The following SCHIP1 variants were observed in gnomAD, a reference collection of about 807,000 sequenced individuals.
SCHIP1 encodes the protein schwannomin-interacting protein 1.
Under a neutral mutation model 29.7 loss-of-function variants are expected in SCHIP1, and 8 were observed. That is an observed-to-expected ratio of 0.27 (90% CI 0.16 to 0.49). SCHIP1 has a LOEUF of 0.49. SCHIP1 is among the 20% of genes least tolerant of loss of function. The pLI, the probability that SCHIP1 is intolerant of heterozygous loss-of-function variation, is 0.99. For missense variants in SCHIP1, 193 were observed against 294.6 expected, an observed-to-expected ratio of 0.66 and a Z score of 2.52; for synonymous variants, 76 against 94.9, an observed-to-expected ratio of 0.80 and a Z score of 1.16.
the SCHIP1 span, among the ~76,000 whole-genome samples, chr3:159,806,524 T>G: frequency 6.6e-6 from 1 of 152,246 alleles, no homozygotes; most frequent in Non-Finnish European, 1.5e-5. Context: ...TGTGGCAGCT[T>G]TCAGGATTGG....
the SCHIP1 span, among the ~76,000 whole-genome samples, chr3:159,475,324 G>A: frequency 2.0e-5 from 3 of 152,148 alleles, no homozygotes; most frequent in Non-Finnish European, 4.4e-5. Context: ...GCTGGACATA[G>A]AAGACCACAT....
chr3:159,703,472 A>C, the SCHIP1 span, among the ~76,000 whole-genome samples: 1 of 152,164 alleles, frequency 6.6e-6, no homozygotes, highest in Non-Finnish European at 1.5e-5. Flanking sequence ...GATATGGGTA[A>C]ATTGTGTCAC....
the SCHIP1 span, among the ~76,000 whole-genome samples, chr3:159,692,603 T>C: frequency 6.6e-6 from 1 of 152,222 alleles, no homozygotes; most frequent in Non-Finnish European, 1.5e-5. Flanking sequence ...TCTAAACTGG[T>C]TATTCTAGTT....
the SCHIP1 span, among the ~76,000 whole-genome samples, chr3:159,715,940 C>T: frequency 6.6e-6 from 1 of 152,140 alleles, no homozygotes; most frequent in African/African-American, 2.4e-5. Flanking sequence ...CTCCAAGACA[C>T]ATAATTGTCA....
chr3:159,892,490 C>G, intron 6 of SCHIP1: 1 of 553,410 alleles, frequency 1.8e-6, no homozygotes, highest in Admixed American at 3.3e-5. Flanking sequence ...AGGACTGTCC[C>G]CTGGGAAGCT....
the SCHIP1 span, among the ~76,000 whole-genome samples, chr3:159,328,819 T>C: frequency 6.6e-6 from 1 of 152,198 alleles, no homozygotes; most frequent in African/African-American, 2.4e-5. Flanking sequence ...TGAATGGGAA[T>C]GGAAAAAGCT....
chr3:159,828,446 T>G, the SCHIP1 span, among the ~76,000 whole-genome samples: 1 of 134,090 alleles, frequency 7.5e-6, no homozygotes, highest in Non-Finnish European at 1.6e-5. Flanking sequence ...TATACGTATA[T>G]ATATACGTAT....
the SCHIP1 span, among the ~76,000 whole-genome samples, chr3:159,662,031 C>T: frequency 1.3e-5 from 2 of 152,122 alleles, no homozygotes; most frequent in Non-Finnish European, 1.5e-5. Context: ...TCCATCCTGA[C>T]TCATCATGGT....
At chr3:159,502,162 T>C in the SCHIP1 span, among the ~76,000 whole-genome samples, 1 of 152,222 alleles carries the variant, frequency 6.6e-6, no homozygotes, top group East Asian at 1.9e-4. Context: ...TCTAACCAAC[T>C]ATAAACCTGG....
the SCHIP1 span, among the ~76,000 whole-genome samples, chr3:159,447,763 G>C: frequency 6.6e-6 from 1 of 152,172 alleles, no homozygotes; most frequent in Non-Finnish European, 1.5e-5. Context: ...TTTAACATAT[G>C]AGTGAAGGGG....
the SCHIP1 span, among the ~76,000 whole-genome samples, chr3:159,715,921 GA>G: frequency 1.3e-5 from 2 of 152,246 alleles, no homozygotes; most frequent in African/African-American, 2.4e-5. Context: ...TACTCCTCAA[GA>G]AGAACAACTC....
chr3:159,428,138 A>G, the SCHIP1 span, among the ~76,000 whole-genome samples: 1 of 149,258 alleles, frequency 6.7e-6, no homozygotes. Context: ...GGCATGGGCA[A>G]GGACTTCATG....
chr3:159,617,852 T>C, the SCHIP1 span, among the ~76,000 whole-genome samples: 26 of 152,208 alleles, frequency 1.7e-4, no homozygotes, highest in African/African-American at 5.8e-4. Flanking sequence ...TTCATTTCAA[T>C]GAACATTTAG....
chr3:159,849,923 C>G (rs910734013), intron 1 of SCHIP1, among the ~76,000 whole-genome samples: 1 of 152,126 alleles, frequency 6.6e-6, no homozygotes, highest in Non-Finnish European at 1.5e-5. Context: ...CTTCATTGTG[C>G]GCTTATCGTG....
At chr3:159,616,285 A>ATTT in the SCHIP1 span, among the ~76,000 whole-genome samples, 2 of 152,144 alleles carry the variant, frequency 1.3e-5, no homozygotes, top group Non-Finnish European at 2.9e-5. Flanking sequence ...TATTTTTAGT[A>ATTT]GAGACGGGGC....
chr3:159,347,750 C>T, the SCHIP1 span, among the ~76,000 whole-genome samples: 1 of 152,082 alleles, frequency 6.6e-6, no homozygotes, highest in Admixed American at 6.6e-5. Flanking sequence ...AATTTTTAAT[C>T]ATTCACAAGA....
the SCHIP1 span, among the ~76,000 whole-genome samples, chr3:159,402,723 T>G: frequency 6.6e-6 from 1 of 152,034 alleles, no homozygotes; most frequent in Admixed American, 6.6e-5. Flanking sequence ...TAGGTGGGAA[T>G]TGAACAATGA....
chr3:159,886,055 T>G, intron 2 of SCHIP1, 152 bp from the exon 4 acceptor site: 1 of 680,802 alleles, frequency 1.5e-6, no homozygotes, highest in Non-Finnish European at 2.5e-6. Context: ...TACTAAGAGT[T>G]ATTTATATGT....
the SCHIP1 span, among the ~76,000 whole-genome samples, chr3:159,736,966 C>T: frequency 6.6e-6 from 1 of 152,056 alleles, no homozygotes; most frequent in Non-Finnish European, 1.5e-5. Context: ...TATCTCCTGA[C>T]CTCATGATCC....
Sources: allele counts gnomAD v4.1 joint callset (sites outside exome capture counted in the v4.1 genomes callset), GRCh38; gene constraint gnomAD v4.1.1; transcripts MANE v1.5; gene names NCBI Gene and HGNC (gene_info 2026-07-23, HGNC 2026-07-21).